Variants in TMPO observed in about 807,000 individuals in gnomAD.
TMPO encodes thymopoietin, also known as LEM domain containing 4.
Under a neutral mutation model 45.4 loss-of-function variants are expected in TMPO, and 22 were observed. That is an observed-to-expected ratio of 0.48 (90% confidence interval 0.35 to 0.69). The LOEUF is 0.69. TMPO is among the 30% of genes least tolerant of loss of function. The pLI, the probability that TMPO is intolerant of heterozygous loss-of-function variation, is 0.01. For synonymous variants in TMPO, 241 were observed against 204.1 expected, an observed-to-expected ratio of 1.18 and a Z score of -1.54; for missense variants, 512 against 548.8, an observed-to-expected ratio of 0.93 and a Z score of 0.67.
At position 98,515,832 on chromosome 12, in the gene TMPO, A is replaced by T. The variant is rs1369633524; in HGVS notation, c.-36A>T. On this transcript the variant is annotated 5_prime_UTR_variant, in exon 1 of 9. Coordinates refer to ENST00000556029, the MANE Select transcript of TMPO (RefSeq NM_001032283.3). ...GCGCGCCGGCGTGAGCGGCGGCGGC[A>T]AAGGCTGTGGGGAGGGGGCTTCGCA... 1 of 1,592,956 alleles carries T rather than the reference A, an allele frequency of 6.3e-7. No individual in the cohort carries two copies. The highest frequency in any genetic ancestry group is 8.5e-7 in the Non-Finnish European group (1 of 1,170,886).
Position 98,547,669 on chromosome 12 carries a change from T to C in TMPO, c.1176T>C (p.Pro392=), listed in dbSNP as rs1470120635. The C allele has an allele frequency of 6.2e-7, 1 of 1,614,102 alleles. No homozygotes were observed. The highest frequency in any genetic ancestry group is 1.3e-5 in the African/African-American group (1 of 74,926). Residue 392 remains proline, a synonymous_variant, in exon 9 of 9, where the codon CCT becomes CCC. Coordinates refer to ENST00000556029, the MANE Select transcript of TMPO (RefSeq NM_001032283.3). ...MEESFSSKYV[P]KYVPLADVKS... ...AGTCTTTTTCATCTAAATATGTTCC[T>C]AAGTATGTTCCCTTGGCAGATGTCA...
At chr12:98,533,394 T>TTA (rs772406692) in intron 3 of TMPO, 1 of 1,614,174 alleles carries the variant, frequency 6.2e-7, no homozygotes, top group South Asian at 1.1e-5. Flanking sequence ...CAATCAGAGA[T>TTA]TATGTCAATT....
At chr12:98,534,072 C>T (rs779627163) in intron 3 of TMPO, 1 of 1,610,040 alleles carries the variant, frequency 6.2e-7, no homozygotes, top group South Asian at 1.1e-5. Context: ...AGATTCTTAG[C>T]TCAGATCCTA....
chr12:98,540,346 T>C (rs1455203360), intron 4 of TMPO, among the ~76,000 whole-genome samples: 1 of 152,240 alleles, frequency 6.6e-6, no homozygotes, highest in Non-Finnish European at 1.5e-5. Context: ...CTAGTGAGGC[T>C]GAGAAACTCT....
intron 4 of TMPO, chr12:98,537,819 C>CAGTT: frequency 1.7e-6 from 1 of 579,026 alleles, no homozygotes; most frequent in East Asian, 2.8e-5. Context: ...AGTTCAAAGC[C>CAGTT]AGTTATATGG....
intron 3 of TMPO, among the ~76,000 whole-genome samples, chr12:98,536,754 T>C (rs1226932083): frequency 1.3e-5 from 2 of 152,190 alleles, no homozygotes; most frequent in Non-Finnish European, 2.9e-5. Flanking sequence ...AAAATACATA[T>C]CCTTGCGTTG....
At chr12:98,545,119 A>ATTTT in intron 7 of TMPO, 58 bp downstream of exon 7, 1 of 1,096,308 alleles carries the variant, frequency 9.1e-7, no homozygotes, top group Non-Finnish European at 1.3e-6. Context: ...GGAAATATAA[A>ATTTT]TATTTGTTTG....
At chr12:98,528,650 C>A (rs1876961746) in intron 2 of TMPO, among the ~76,000 whole-genome samples, 1 of 147,808 alleles carries the variant, frequency 6.8e-6, no homozygotes. Flanking sequence ...CATAGCTGGG[C>A]AAATTTGCCC....
intron 3 of TMPO, chr12:98,534,475 C>G: frequency 6.6e-7 from 1 of 1,515,086 alleles, no homozygotes; most frequent in Non-Finnish European, 8.8e-7. Flanking sequence ...CATCAAATTA[C>G]AGTATAAAAG....
chr12:98,534,224 A>G, intron 3 of TMPO: 5 of 1,613,962 alleles, frequency 3.1e-6, no homozygotes, highest in Non-Finnish European at 4.2e-6. Flanking sequence ...CTCTGGCTGA[A>G]GGATTGCAAA....
chr12:98,519,486 A>T (rs1876161315), intron 1 of TMPO, among the ~76,000 whole-genome samples: 1 of 152,190 alleles, frequency 6.6e-6, no homozygotes. Flanking sequence ...AGGATGAGCG[A>T]CGGCACCCAG....
At chr12:98,519,626 T>C (rs1876176363) in intron 1 of TMPO, among the ~76,000 whole-genome samples, 2 of 152,234 alleles carry the variant, frequency 1.3e-5, no homozygotes, top group Non-Finnish European at 2.9e-5. Context: ...AAATGTCTTC[T>C]ACCTGGAGTA....
Position 98,534,310 on chromosome 12 carries a change from A to G in TMPO, c.565+2472A>G, listed in dbSNP as rs1877431244. 3 of 1,612,898 alleles carry G rather than the reference A, an allele frequency of 1.9e-6. No individual in the cohort carries two copies. The highest frequency in any genetic ancestry group is 1.3e-5 in the African/African-American group (1 of 74,940). Reference sequence around the variant, plus strand: ...AACATTATTTGGAGGAGAAGTATGCAAAGTAATTAAAAAGCGTGGAAATAA... The same window carrying G: ...AACATTATTTGGAGGAGAAGTATGCGAAGTAATTAAAAAGCGTGGAAATAA... On this transcript the variant is annotated intron_variant, in intron 3 of 8. Coordinates refer to ENST00000556029, the MANE Select transcript of TMPO (RefSeq NM_001032283.3).
rs1878143641 is a variant in TMPO, at chr12:98,545,049, G to C, written c.978G>C (p.Leu326Phe). 1 of 1,606,496 alleles carries C rather than the reference G, an allele frequency of 6.2e-7. No individual in the cohort carries two copies. ...DIPRRAPKKP[L>F]TRAEVGEKTE... ...CCAGAAGAGCACCAAAGAAACCATTGACAAGAGCTGAAGTAAATGAATACA... is the reference window on the plus strand; with the variant it reads ...CCAGAAGAGCACCAAAGAAACCATTCACAAGAGCTGAAGTAAATGAATACA... Residue 326 changes from leucine (L) to phenylalanine (F), a missense_variant, in exon 7 of 9, where the codon TTG (leucine) becomes TTC (phenylalanine). By Grantham distance (22) the Leu-to-Phe change is conservative (BLOSUM62 0). Coordinates refer to ENST00000556029, the MANE Select transcript of TMPO (RefSeq NM_001032283.3).
At chr12:98,535,122 TTC>T in intron 3 of TMPO, 1 of 984,884 alleles carries the variant, frequency 1.0e-6, no homozygotes, top group Non-Finnish European at 1.2e-6. Flanking sequence ...TGAGAAACAC[TTC>T]TTTGGATAAT....
chr12:98,535,249 A>G, intron 3 of TMPO: 1 of 983,534 alleles, frequency 1.0e-6, no homozygotes, highest in Non-Finnish European at 1.2e-6. Flanking sequence ...AGTTAAGTTT[A>G]GCAATATAGA....
At chr12:98,535,753 T>G in intron 3 of TMPO, 1 of 725,260 alleles carries the variant, frequency 1.4e-6, no homozygotes, top group Non-Finnish European at 1.7e-6. Flanking sequence ...CTTTGACATT[T>G]CAGTGGTATA....
At chr12:98,528,043 T>C (rs762945898) in intron 2 of TMPO, 31 bp downstream of exon 2, 4 of 1,613,328 alleles carry the variant, frequency 2.5e-6, no homozygotes, top group Non-Finnish European at 1.7e-6. Flanking sequence ...ATACAGTATC[T>C]TTTCTCTGAA....
intron 3 of TMPO, chr12:98,532,409 T>C (rs1877256491): frequency 5.4e-6 from 1 of 185,082 alleles, no homozygotes; most frequent in East Asian, 1.5e-4. Flanking sequence ...ATTTTCTCTG[T>C]TCTCTATTGA....
Sources: gnomAD v4.1 joint callset for allele counts (sites outside exome capture counted in the v4.1 genomes callset) on GRCh38, gnomAD v4.1.1 for gene constraint, MANE v1.5 for transcripts, NCBI Gene and HGNC (gene_info 2026-07-23, HGNC 2026-07-21) for gene names.